Variants in MAP3K13 observed in about 807,000 individuals in gnomAD.
MAP3K13 encodes the protein mitogen-activated protein kinase kinase kinase 13.
MAP3K13 carries 52 observed loss-of-function variants against 104.0 expected under a neutral mutation model. That is an observed-to-expected ratio of 0.50 (90% CI 0.40 to 0.63). MAP3K13 has a LOEUF of 0.63. MAP3K13 is among the 20% of genes least tolerant of loss of function. The probability of loss-of-function intolerance (pLI) is 0.00; values close to 1 mark genes in which losing one functional copy is unlikely to be tolerated. For missense variants in MAP3K13, 914 were observed against 1,218.5 expected (o/e 0.75, Z 3.72); for synonymous variants, 394 against 442.2 (o/e 0.89, Z 1.37).
intron 1 of MAP3K13, among the ~76,000 whole-genome samples, chr3:185,388,201 T>G (rs1711809526): frequency 1.3e-5 from 2 of 151,444 alleles, no homozygotes; most frequent in Non-Finnish European, 2.9e-5. Flanking sequence ...TACAAAACAC[T>G]TATAAAAGAA....
At chr3:185,320,661 A>G (rs1241175535) in intron 2 of MAP3K13, among the ~76,000 whole-genome samples, 1 of 152,222 alleles carries the variant, frequency 6.6e-6, no homozygotes, top group Non-Finnish European at 1.5e-5. Context: ...GACAAATGTA[A>G]AAGAAATTTT....
In MAP3K13 at chr3:185,363,319, C is replaced by T. The variant is rs538312041; in HGVS notation, c.-135C>T. 49 of 985,350 alleles carry T rather than the reference C, an allele frequency of 5.0e-5. No homozygotes were observed. In the African/African-American group the frequency reaches 6.1e-4, roughly 12 times the overall value. The allele number at this position is 985,350 out of a possible 1,614,324, so 61.0% of individuals were successfully genotyped here. On this transcript the variant is annotated 5_prime_UTR_variant, in exon 1 of 14. Coordinates refer to ENST00000265026, the MANE Select transcript of MAP3K13 (RefSeq NM_004721.5). ...AAGGCTTTTAAAATTCACCTTACAT[C>T]TTTTCAAAGCAAGAAAATGGAACAG... is the stretch of plus-strand genomic sequence containing the variant.
intron 1 of MAP3K13, among the ~76,000 whole-genome samples, chr3:185,409,561 G>A (rs558566451): frequency 3.0e-4 from 46 of 152,270 alleles, no homozygotes; most frequent in African/African-American, 1.1e-3. Flanking sequence ...ACAGCACTAT[G>A]GAGAACAGTA....
chr3:185,312,499 G>A (rs1685466433), intron 2 of MAP3K13, among the ~76,000 whole-genome samples: 1 of 152,200 alleles, frequency 6.6e-6, no homozygotes, highest in Admixed American at 6.5e-5. Context: ...TATTATCTTG[G>A]CAGAGAGTTA....
chr3:185,454,698 TATATATATC>T (rs1716241107), intron 7 of MAP3K13, among the ~76,000 whole-genome samples: 1 of 28,480 alleles, frequency 3.5e-5, no homozygotes, highest in African/African-American at 6.5e-5. Context: ...ATATATGAGA[TATATATATC>T]ATATATGAGA....
At chr3:185,425,579 C>T (rs12634651) in intron 1 of MAP3K13, among the ~76,000 whole-genome samples, 7,655 of 152,220 alleles carry the variant, frequency 0.05, 311 homozygotes, top group East Asian at 0.22. Context: ...CTTCTATAGA[C>T]GTGATTTTAA....
At chr3:185,463,289 C>G (rs1464266690) in intron 7 of MAP3K13, among the ~76,000 whole-genome samples, 1 of 152,132 alleles carries the variant, frequency 6.6e-6, no homozygotes, top group African/African-American at 2.4e-5. Flanking sequence ...CTGTGATGTT[C>G]CTCATAGCCA....
chr3:185,377,205 GT>G (rs1724471175), intron 1 of MAP3K13, among the ~76,000 whole-genome samples: 1 of 152,224 alleles, frequency 6.6e-6, no homozygotes. Flanking sequence ...TGTAAGAAGA[GT>G]TTATAGGCTT....
intron 7 of MAP3K13, among the ~76,000 whole-genome samples, chr3:185,457,481 G>C (rs1391836266): frequency 1.3e-5 from 2 of 152,188 alleles, no homozygotes; most frequent in Non-Finnish European, 2.9e-5. Context: ...CCTTCTCACT[G>C]TGTCCTCACG....
rs114075676 is a variant in MAP3K13 at position 185,431,442 on chromosome 3, A to T, written c.475+2386A>T. 3.0e-3 allele frequency among the ~76,000 whole-genome samples: 456 copies of T among 152,340 alleles called. 2 individuals are homozygous for T. The highest frequency in any genetic ancestry group is 5.1e-3 in the Non-Finnish European group (347 of 68,028). ...CATTTGTCTACTCCTTTACTTTTGCATATATCTTTGATTAGTCCTTGGGAT... is the reference window on the plus strand; with the variant it reads ...CATTTGTCTACTCCTTTACTTTTGCTTATATCTTTGATTAGTCCTTGGGAT... On this transcript the variant is annotated intron_variant, in intron 2 of 13. Coordinates refer to ENST00000265026, the MANE Select transcript of MAP3K13 (RefSeq NM_004721.5).
intron 1 of MAP3K13, among the ~76,000 whole-genome samples, chr3:185,388,124 C>CAAA (rs561501305): frequency 4.4e-5 from 6 of 137,218 alleles, no homozygotes; most frequent in African/African-American, 1.6e-4. Context: ...CAATTGCTAC[C>CAAA]AAAAAAAAAA....
chr3:185,363,529 C>T (rs1723734910), intron 1 of MAP3K13, among the ~76,000 whole-genome samples, 161 bp downstream of exon 1: 2 of 152,178 alleles, frequency 1.3e-5, no homozygotes, highest in African/African-American at 4.8e-5. Flanking sequence ...AACCCCGTTA[C>T]AGCTAGGAGC....
chr3:185,417,932 T>C, intron 1 of MAP3K13: 1 of 1,605,126 alleles, frequency 6.2e-7, no homozygotes, highest in Non-Finnish European at 8.5e-7. Context: ...TTAATCAACT[T>C]GTGCATGGGA....
chr3:185,372,634 T>C (rs893125230), intron 1 of MAP3K13, among the ~76,000 whole-genome samples: 6 of 152,222 alleles, frequency 3.9e-5, no homozygotes, highest in South Asian at 2.1e-4. Context: ...TTCTTTTAAC[T>C]GAATCTTAGA....
chr3:185,461,368 T>C (rs1017867475), intron 7 of MAP3K13, among the ~76,000 whole-genome samples: 6 of 152,180 alleles, frequency 3.9e-5, no homozygotes, highest in Admixed American at 3.9e-4. Flanking sequence ...ATCTAGCATA[T>C]TATAGAATGA....
At chr3:185,420,490 A>G (rs946556742) in intron 1 of MAP3K13, among the ~76,000 whole-genome samples, 11 of 152,234 alleles carry the variant, frequency 7.2e-5, no homozygotes, top group Non-Finnish European at 1.3e-4. Flanking sequence ...AAATTATTTT[A>G]TGTTCTCAAC....
chr3:185,455,544 C>G (rs200713058), intron 7 of MAP3K13, among the ~76,000 whole-genome samples: 61 of 856 alleles, frequency 0.071, 9 homozygotes, highest in African/African-American at 0.12. Flanking sequence ...ATATATATGA[C>G]ATATATATGA....
chr3:185,396,583 A>T (rs1712435858), intron 1 of MAP3K13, among the ~76,000 whole-genome samples: 1 of 152,202 alleles, frequency 6.6e-6, no homozygotes, highest in East Asian at 1.9e-4. Context: ...AATGAAATTA[A>T]AATGTATGAA....
Position 185,479,821 on chromosome 3 carries a change from A to T in MAP3K13, c.2502-411A>T, listed in dbSNP as rs561827272. On this transcript the variant is annotated intron_variant, in intron 12 of 13. Transcript: ENST00000265026. ...TGAGGGCTCTCTTCCTGGCTTGCAGACAGCCACCTTCTCTGTTTCCTCACA... is the reference window on the plus strand; with the variant it reads ...TGAGGGCTCTCTTCCTGGCTTGCAGTCAGCCACCTTCTCTGTTTCCTCACA... 3.3e-5 allele frequency among the ~76,000 whole-genome samples: 5 copies of T among 152,306 alleles called. No individual in the cohort carries two copies. The East Asian group carries it at 9.6e-4, about 29-fold the overall frequency.
Sources: allele counts gnomAD v4.1 joint callset (sites outside exome capture counted in the v4.1 genomes callset), GRCh38; gene constraint gnomAD v4.1.1; transcripts MANE v1.5; gene names NCBI Gene and HGNC (gene_info 2026-07-23, HGNC 2026-07-21).